CD163: variants seen among roughly 807,000 people sequenced by gnomAD.
CD163 encodes CD163 molecule, also known as scavenger receptor cysteine-rich type 1 protein M130.
In CD163, 64 loss-of-function variants were observed where a neutral mutation model predicts 129.2. The ratio of observed to expected loss-of-function variants is 0.50; its 90% CI spans 0.41 to 0.61. The LOEUF is 0.61. Ranked by LOEUF, CD163 falls within the 20% of genes least tolerant of loss-of-function variation. The probability of loss-of-function intolerance (pLI) is 0.00; values close to 1 mark genes in which losing one functional copy is unlikely to be tolerated. For synonymous variants in CD163, 446 were observed against 478.5 expected (o/e 0.93, Z 0.89); for missense variants, 1,061 against 1,377.9 (o/e 0.77, Z 3.64).
At chr12:7,490,659 ATTTCC>A (rs1341727472) in intron 6 of CD163, among the ~76,000 whole-genome samples, 1 of 151,962 alleles carries the variant, frequency 6.6e-6, no homozygotes, top group East Asian at 1.9e-4. Flanking sequence ...ACATACTCTG[ATTTCC>A]TTTCATCTCT....
intron 6 of CD163, among the ~76,000 whole-genome samples, chr12:7,489,678 T>G (rs78002157): frequency 0.059 from 8,942 of 152,130 alleles, 308 homozygotes; most frequent in African/African-American, 0.083. Flanking sequence ...AACATGTATT[T>G]ATAGCTCACT....
chr12:7,483,716 A>C lies in CD163; in HGVS notation c.2780-41T>G, dbSNP rs774964934. 4.1e-6 allele frequency: 6 copies of C among 1,460,762 alleles called. No individual in the cohort carries two copies. In the Admixed American group the frequency reaches 6.6e-5, roughly 16 times the overall value. The allele number at this position is 1,460,762 out of a possible 1,614,324, so 90.5% of individuals were successfully genotyped here. A position where few individuals can be genotyped will look rare whatever the true frequency, so the allele number is the denominator to read the frequency against. On this transcript the variant is annotated intron_variant, in intron 11 of 16. Coordinates refer to ENST00000432237, the MANE Select transcript of CD163 (RefSeq NM_203416.4). ...CATGTAGCCTATTTCTAAGACTTCTAAAAGTTTCCAGGAGTTCACAGGTGA... is the reference window on the plus strand; with the variant it reads ...CATGTAGCCTATTTCTAAGACTTCTCAAAGTTTCCAGGAGTTCACAGGTGA...
chr12:7,502,866 A>G, intron 1 of CD163: 1 of 539,014 alleles, frequency 1.9e-6, no homozygotes. Flanking sequence ...ACATCAATGA[A>G]ACTTAGTAGT....
chr12:7,498,797 G>T, intron 4 of CD163, 71 bp downstream of exon 4: 1 of 1,355,172 alleles, frequency 7.4e-7, no homozygotes, highest in Non-Finnish European at 1.0e-6. Context: ...AAGAGTTCAG[G>T]CTCTTAAGAT....
intron 3 of CD163, 27 bp downstream of exon 3, chr12:7,501,110 GTT>G: frequency 6.3e-7 from 1 of 1,596,134 alleles, no homozygotes; most frequent in Non-Finnish European, 8.6e-7. Flanking sequence ...AGGATTTTGT[GTT>G]GAGGCTTTGA....
Position 7,483,572 on chromosome 12 carries a change from G to A in CD163, c.2883C>T (p.Asp961=), listed in dbSNP as rs371406699. The A allele has an allele frequency of 2.2e-5, 35 of 1,613,390 alleles. No individual in the cohort carries two copies. Among genetic ancestry groups the A allele is most frequent in the African/African-American group, 5.4e-5 (4 of 74,710 alleles). ...GTVCDDSWDL[D]DAQVVCQQLG... ...GTTGTTGACACACCACCTGAGCATC[G>A]TCCAAGTCCCAAGAGTCATCACACA... Residue 961 remains aspartate (D), a synonymous_variant, in exon 12 of 17, where the codon GAC becomes GAT. Coordinates refer to ENST00000432237, the MANE Select transcript of CD163 (RefSeq NM_203416.4).
intron 1 of CD163, 101 bp downstream of exon 1, chr12:7,503,544 A>T: frequency 1.4e-6 from 1 of 726,966 alleles, no homozygotes; most frequent in Non-Finnish European, 2.3e-6. Context: ...TCCACTCCTT[A>T]CTCTCCTGAT....
intron 16 of CD163, among the ~76,000 whole-genome samples, chr12:7,476,356 T>C (rs945059407): frequency 6.6e-6 from 1 of 151,990 alleles, no homozygotes; most frequent in Non-Finnish European, 1.5e-5. Context: ...TCTACAGTTA[T>C]CAAAACAGCA....
chr12:7,486,911 C>T lies in CD163; in HGVS notation c.2126G>A (p.Ser709Asn), dbSNP rs371765794. The change falls in exon 9 of 17, where the codon AGT becomes AAT. Residue 709 changes from serine to asparagine, a missense_variant. Physicochemically the swap from Ser to Asn is conservative, Grantham distance 46 (BLOSUM62 1). Transcript: ENST00000432237. Reference sequence around the variant, plus strand: ...AGTCTTACCTATGCAGGCCACAGCACTTTCTTCTGGAATGGTAGGCCTTGT... The same window carrying T: ...AGTCTTACCTATGCAGGCCACAGCATTTTCTTCTGGAATGGTAGGCCTTGT... ...GPTRPTIPEE[S>N]AVACIESGQL... 11 of 1,613,892 alleles carry T rather than the reference C, an allele frequency of 6.8e-6. No individual in the cohort carries two copies. Among genetic ancestry groups the T allele is most frequent in the Non-Finnish European group, 9.3e-6 (11 of 1,179,884 alleles).
intron 16 of CD163, chr12:7,471,942 G>A (rs927901661): frequency 8.5e-5 from 13 of 152,278 alleles, no homozygotes; most frequent in Non-Finnish European, 1.6e-4. Flanking sequence ...GACTTGAGTA[G>A]ACGGTTTTCC....
chr12:7,501,623 A>G (rs910977401), intron 2 of CD163, among the ~76,000 whole-genome samples, 161 bp from the exon 3 acceptor site: 2 of 152,394 alleles, frequency 1.3e-5, no homozygotes, highest in South Asian at 4.1e-4. Flanking sequence ...TCATTCAAAT[A>G]TAAGTATCAG....
chr12:7,496,401 G>T lies in CD163; in HGVS notation c.1099+412C>A, dbSNP rs752699817. On this transcript the variant is annotated intron_variant, in intron 5 of 16. Transcript: ENST00000432237. The surrounding 1 kb of genome is among the most constrained non-coding windows in gnomAD (Gnocchi z 4.8). ...ATGGGGGGTTAAAACCTAGATGACAGGTTGATACGTGAAGCAGACCACCAT... is the reference window on the plus strand; with the variant it reads ...ATGGGGGGTTAAAACCTAGATGACATGTTGATACGTGAAGCAGACCACCAT... 2.0e-5 allele frequency among the ~76,000 whole-genome samples: 3 copies of T among 152,140 alleles called. No homozygotes were observed. The highest frequency in any genetic ancestry group is 1.3e-4 in the Admixed American group (2 of 15,278).
chr12:7,479,334 A>T (rs750807563), intron 16 of CD163, among the ~76,000 whole-genome samples: 2 of 152,134 alleles, frequency 1.3e-5, no homozygotes, highest in Non-Finnish European at 2.9e-5. Context: ...TGAATAAAAA[A>T]CTTCTTATAG....
intron 11 of CD163, 136 bp from the exon 12 acceptor site, chr12:7,483,811 TTATATATATATATGTATATA>T (rs1949198821): frequency 7.8e-6 from 1 of 128,902 alleles, no homozygotes; most frequent in African/African-American, 3.2e-5. Flanking sequence ...ATATTAAAAT[TTATATATATATATGTATATA>T]TATATATATA....
Position 7,486,988 on chromosome 12 carries a change from T to C in CD163, c.2051-2A>G. 1 of 1,612,198 alleles carries C rather than the reference T, an allele frequency of 6.2e-7. No homozygotes were observed. The highest frequency in any genetic ancestry group is 8.5e-7 in the Non-Finnish European group (1 of 1,178,428). The stretch of plus-strand genomic sequence containing the variant: ...AGGACAGTGTTTGGGACTGGTTTCC[T>C]GCAAACACCAAGGTACTCAGTCATA... On this transcript the variant is annotated splice_acceptor_variant, in intron 8 of 16. Coordinates refer to ENST00000432237, the MANE Select transcript of CD163 (RefSeq NM_203416.4). LOFTEE classifies it high-confidence loss of function.
In CD163 at chr12:7,497,036, A is replaced by T. The variant is rs1949411998; in HGVS notation, c.876T>A (p.Asp292Glu). The T allele has an allele frequency of 6.2e-7, 1 of 1,614,106 alleles. No individual in the cohort carries two copies. Among genetic ancestry groups the T allele is most frequent in the Admixed American group, 1.7e-5 (1 of 60,018 alleles). ...RFQGEWGTIC[D>E]DGWDSYDAAV... ...CAGCATCGTAACTGTCCCAGCCGTC[A>T]TCACATATTGTCCCCCATTCTCCTT... The change falls in exon 5 of 17, where the codon GAT becomes GAA. Residue 292 changes from aspartate to glutamate, a missense_variant. Coordinates refer to ENST00000432237, the MANE Select transcript of CD163 (RefSeq NM_203416.4).
intron 13 of CD163, 75 bp from the exon 14 acceptor site, chr12:7,482,837 T>C: frequency 1.3e-6 from 2 of 1,593,422 alleles, no homozygotes; most frequent in South Asian, 2.2e-5. Context: ...ACTGATTCTC[T>C]CTTAGGTCAA....
rs1445735668 is a variant in CD163 at position 7,487,758 on chromosome 12, T to C, written c.1735+15A>G. The C allele has an allele frequency of 1.9e-6, 3 of 1,613,798 alleles. No individual in the cohort carries two copies. The highest frequency in any genetic ancestry group is 2.5e-6 in the Non-Finnish European group (3 of 1,180,010). On this transcript the variant is annotated intron_variant, in intron 7 of 16. Coordinates refer to ENST00000432237, the MANE Select transcript of CD163 (RefSeq NM_203416.4). The surrounding 1 kb of genome is among the most constrained non-coding windows in gnomAD (Gnocchi z 5.1). ...ACAGTATGAGAACCAATTAAAGATG[T>C]TTTCTGGGTCTTACTTGAGCAGACT...
intron 14 of CD163, 45 bp downstream of exon 14, chr12:7,482,598 C>T: frequency 6.2e-7 from 1 of 1,607,496 alleles, no homozygotes; most frequent in Non-Finnish European, 8.5e-7. Context: ...TACAAGAACC[C>T]CCTTATCCTG....
Sources: gnomAD v4.1 joint callset for allele counts (sites outside exome capture counted in the v4.1 genomes callset) on GRCh38, gnomAD v4.1.1 for gene constraint, Gnocchi (gnomAD v3.1) non-coding constraint, MANE v1.5 for transcripts, NCBI Gene and HGNC (gene_info 2026-07-23, HGNC 2026-07-21) for gene names.